Variants in ADGRG2 observed in about 807,000 individuals in gnomAD.
ADGRG2 encodes the protein adhesion G protein-coupled receptor G2, also known as G protein-coupled receptor 64.
In ADGRG2, 26 loss-of-function variants were observed where a neutral mutation model predicts 74.1. The ratio of observed to expected loss-of-function variants is 0.35; its 90% CI spans 0.26 to 0.49. ADGRG2 has a LOEUF of 0.49. Ranked by LOEUF, ADGRG2 falls within the 20% of genes least tolerant of loss-of-function variation. The pLI is 0.99. For missense variants in ADGRG2, 619 were observed against 763.1 expected (o/e 0.81, Z 2.22); for synonymous variants, 296 against 295.2 (o/e 1.00, Z -0.03).
chrX:19,037,641 A>G lies in ADGRG2; in HGVS notation c.155-5T>C. ...AACTGACAACAGATAATTTAGCTGC[A>G]GGAGAAAAAAAAATTAAATCAATAT... On this transcript the variant is annotated splice_polypyrimidine_tract_variant and splice_region_variant and intron_variant, in intron 4 of 28. Coordinates refer to ENST00000379869, the MANE Select transcript of ADGRG2 (RefSeq NM_001079858.3). The G allele has an allele frequency of 1.8e-6, 2 of 1,102,099 alleles. No individual in the cohort carries two copies. The highest frequency in any genetic ancestry group is 2.4e-6 in the Non-Finnish European group (2 of 819,369). The allele number at this position is 1,102,099 out of a possible 1,213,427, so 90.8% of individuals were successfully genotyped here.
chrX:19,077,334 TAAAAAAAAAAAAAA>T (rs34976230), intron 2 of ADGRG2, among the ~76,000 whole-genome samples: 1 of 38,613 alleles, frequency 2.6e-5, no homozygotes, highest in African/African-American at 1.3e-4. Context: ...CTGTCTCTAC[TAAAAAAAAAAAAAA>T]AAAAAAAAAA....
intron 3 of ADGRG2, among the ~76,000 whole-genome samples, chrX:19,047,915 T>C (rs973351253): frequency 9.0e-6 from 1 of 111,521 alleles, no homozygotes; most frequent in African/African-American, 3.3e-5. Context: ...CAATAAGTAC[T>C]CTTACATAAT....
chrX:18,999,955 G>A lies in ADGRG2; in HGVS notation c.2236C>T (p.Pro746Ser). The change falls in exon 25 of 29, where the codon CCA becomes TCA. Residue 746 changes from proline to serine, a missense_variant. By Grantham distance (74) the Pro-to-Ser change is moderately conservative (BLOSUM62 -1). Coordinates refer to ENST00000379869, the MANE Select transcript of ADGRG2 (RefSeq NM_001079858.3). ...LKFCIVGWGV[P>S]AVVVTIILTI... ...AGGATGATGGTCACAACCACAGCTG[G>A]TACCCCTGGAAGATGGGAAACATTG... 8.9e-7 allele frequency: 1 copy of A among 1,122,412 alleles called. No homozygotes were observed. Among genetic ancestry groups the A allele is most frequent in the Non-Finnish European group, 1.2e-6 (1 of 817,265 alleles). The allele number at this position is 1,122,412 out of a possible 1,213,427, so 92.5% of individuals were successfully genotyped here.
chrX:19,066,982 A>G (rs1250155063), intron 3 of ADGRG2, among the ~76,000 whole-genome samples: 1 of 111,935 alleles, frequency 8.9e-6, no homozygotes. Flanking sequence ...AAAACAAGTA[A>G]ACACCAGAAA....
At chrX:19,041,983 T>C (rs781033948) in intron 3 of ADGRG2, among the ~76,000 whole-genome samples, 2 of 110,528 alleles carry the variant, frequency 1.8e-5, no homozygotes, top group Non-Finnish European at 3.8e-5. Context: ...CTAATTTTTT[T>C]ATTTTATTTT....
At chrX:19,065,827 G>A (rs2061559836) in intron 3 of ADGRG2, among the ~76,000 whole-genome samples, 1 of 111,565 alleles carries the variant, frequency 9.0e-6, no homozygotes, top group Non-Finnish European at 1.9e-5. Flanking sequence ...CTAAGGAGAT[G>A]GTGCGTGTGA....
chrX:19,080,759 A>ATG (rs1417587359), intron 2 of ADGRG2, among the ~76,000 whole-genome samples: 6 of 109,959 alleles, frequency 5.5e-5, no homozygotes, highest in South Asian at 4.0e-4. Flanking sequence ...GCAGTGGTAC[A>ATG]ATCTCGGCTT....
rs1181418565 is a variant in ADGRG2 at position 19,072,274 on chromosome X, A to G, written c.-1-3439T>C. ...TGGCCCAGAGAAGCCAAAAGATTGG[A>G]CACCCCTGCAAGTCTAGGGGATGGG... On this transcript the variant is annotated intron_variant, in intron 2 of 28. Coordinates refer to ENST00000379869, the MANE Select transcript of ADGRG2 (RefSeq NM_001079858.3). Among the ~76,000 whole-genome samples the G allele has an allele frequency of 3.6e-5, 4 of 110,599 alleles. No individual in the cohort carries two copies. The Admixed American group carries it at 3.9e-4, about 11-fold the overall frequency.
intron 3 of ADGRG2, among the ~76,000 whole-genome samples, chrX:19,048,441 C>G (rs1601989807): frequency 9.0e-6 from 1 of 111,588 alleles, no homozygotes; most frequent in South Asian, 3.8e-4. Context: ...AAAGAGCAGT[C>G]AAGTAACTTG....
chrX:19,095,855 T>TA (rs1024050326), intron 1 of ADGRG2, among the ~76,000 whole-genome samples: 9 of 108,484 alleles, frequency 8.3e-5, no homozygotes, highest in African/African-American at 3.0e-4. Flanking sequence ...CCCATCTCAA[T>TA]AAAAAATACA....
At chrX:19,006,351 A>C (rs970395077) in intron 20 of ADGRG2, 86 bp from the exon 21 acceptor site, 2 of 665,152 alleles carry the variant, frequency 3.0e-6, no homozygotes, top group African/African-American at 4.4e-5. Flanking sequence ...GAAAAGAAAA[A>C]AAACTGTGGT....
chrX:18,990,726 G>A lies in ADGRG2; in HGVS notation c.*138C>T, dbSNP rs41309699. ...GTTTCTTCTTGTAATAATAATCATC[G>A]CCCTTAATTAGCTTATGCTTCTCCA... On this transcript the variant is annotated 3_prime_UTR_variant, in exon 29 of 29. Coordinates refer to ENST00000379869, the MANE Select transcript of ADGRG2 (RefSeq NM_001079858.3). The A allele has an allele frequency of 8.6e-3, 3,419 of 396,631 alleles. 10 individuals are homozygous for A. Among genetic ancestry groups the A allele is most frequent in the Middle Eastern group, 0.018 (28 of 1,515 alleles). The allele number at this position is 396,631 out of a possible 1,213,427, so 32.7% of individuals were successfully genotyped here.
chrX:19,082,072 C>CAAAAA (rs57534658), intron 2 of ADGRG2, among the ~76,000 whole-genome samples: 132 of 19,886 alleles, frequency 6.6e-3, no homozygotes, highest in East Asian at 8.2e-3. Flanking sequence ...GACCCTGTCT[C>CAAAAA]AAAAAAAAAA....
chrX:19,101,038 G>A (rs1171201921), intron 1 of ADGRG2, among the ~76,000 whole-genome samples: 2 of 110,965 alleles, frequency 1.8e-5, no homozygotes, highest in Non-Finnish European at 3.8e-5. Context: ...GGAATTATTG[G>A]TTGGATTAAG....
chrX:19,092,586 G>A (rs2062031696), intron 1 of ADGRG2, among the ~76,000 whole-genome samples: 1 of 111,532 alleles, frequency 9.0e-6, no homozygotes, highest in African/African-American at 3.3e-5. Flanking sequence ...CCCAGCAAGA[G>A]AGGGAAAGCA....
intron 3 of ADGRG2, among the ~76,000 whole-genome samples, chrX:19,048,583 G>A (rs1378184459): frequency 1.8e-5 from 2 of 111,700 alleles, no homozygotes; most frequent in African/African-American, 6.5e-5. Flanking sequence ...GGTGTCCACC[G>A]TGCTCCACCA....
chrX:19,001,077 G>A, intron 24 of ADGRG2, among the ~76,000 whole-genome samples: 1 of 111,227 alleles, frequency 9.0e-6, no homozygotes, highest in African/African-American at 3.3e-5. Context: ...ATATTTAAGA[G>A]TCAGCAACTC....
At chrX:19,063,572 G>A (rs1481171276) in intron 3 of ADGRG2, among the ~76,000 whole-genome samples, 1 of 112,573 alleles carries the variant, frequency 8.9e-6, no homozygotes, top group Non-Finnish European at 1.9e-5. Flanking sequence ...TGTGCGTAAA[G>A]CACCTGGAAG....
chrX:19,072,286 G>A (rs2061667140), intron 2 of ADGRG2, among the ~76,000 whole-genome samples: 1 of 110,942 alleles, frequency 9.0e-6, no homozygotes, highest in Non-Finnish European at 1.9e-5. Context: ...ACCCCTGCAA[G>A]TCTAGGGGAT....
Sources: allele counts gnomAD v4.1 joint callset (sites outside exome capture counted in the v4.1 genomes callset), GRCh38; gene constraint gnomAD v4.1.1; transcripts MANE v1.5; gene names NCBI Gene and HGNC (gene_info 2026-07-23, HGNC 2026-07-21).